PCCA: variants seen among roughly 807,000 people sequenced by gnomAD.
PCCA encodes propionyl-CoA carboxylase alpha chain, mitochondrial.
In PCCA, 74 loss-of-function variants were observed where a neutral mutation model predicts 101.3. The observed-to-expected ratio is 0.73, with a 90% CI of 0.61 to 0.89. PCCA has a LOEUF of 0.89. PCCA is among the 40% of genes least tolerant of loss of function. The pLI is 0.00. For synonymous variants in PCCA, 294 were observed against 313.6 expected (o/e 0.94, Z 0.66); for missense variants, 891 against 907.0 (o/e 0.98, Z 0.23).
chr13:100,143,055 A>C (rs1448216027), intron 4 of PCCA, among the ~76,000 whole-genome samples: 1 of 152,164 alleles, frequency 6.6e-6, no homozygotes, highest in Admixed American at 6.5e-5. Context: ...GTTGAGATAC[A>C]GGTACCCTTC....
chr13:100,400,630 CTT>C (rs1281449669), intron 19 of PCCA, among the ~76,000 whole-genome samples: 8 of 90,962 alleles, frequency 8.8e-5, no homozygotes, highest in South Asian at 4.1e-4. Context: ...CTTTTTAGTT[CTT>C]TTTTTTTTTT....
chr13:100,100,190 C>T (rs1286706983), intron 1 of PCCA, among the ~76,000 whole-genome samples: 2 of 152,202 alleles, frequency 1.3e-5, no homozygotes, highest in African/African-American at 4.8e-5. Context: ...AGCTCAATGA[C>T]TCACAGCTGA....
intron 8 of PCCA, among the ~76,000 whole-genome samples, chr13:100,238,306 A>G (rs919921150): frequency 3.3e-5 from 5 of 152,128 alleles, no homozygotes; most frequent in Non-Finnish European, 5.9e-5. Context: ...GCCTCTGTCT[A>G]ACTAGTTCTC....
chr13:100,317,760 G>T (rs1443388148), intron 16 of PCCA, among the ~76,000 whole-genome samples: 1 of 152,182 alleles, frequency 6.6e-6, no homozygotes, highest in South Asian at 2.1e-4. Flanking sequence ...CTAATTTTTT[G>T]TATTTATTGT....
chr13:100,353,664 A>C (rs554123608), intron 18 of PCCA, among the ~76,000 whole-genome samples: 1 of 152,226 alleles, frequency 6.6e-6, no homozygotes, highest in African/African-American at 2.4e-5. Flanking sequence ...GTATTAAAAA[A>C]AGAAGAGGCC....
At chr13:100,361,184 T>C (rs1385006611) in intron 18 of PCCA, among the ~76,000 whole-genome samples, 1 of 152,128 alleles carries the variant, frequency 6.6e-6, no homozygotes, top group East Asian at 1.9e-4. Context: ...TTGTAGGCAG[T>C]GAAGCTACTC....
At chr13:100,523,460 G>A (rs762613707) in intron 22 of PCCA, among the ~76,000 whole-genome samples, 18 of 152,230 alleles carry the variant, frequency 1.2e-4, no homozygotes, top group Non-Finnish European at 2.1e-4. Flanking sequence ...CTGGCTTTAC[G>A]GGATTTGATT....
chr13:100,114,659 CACAA>C (rs1275004031), intron 4 of PCCA, among the ~76,000 whole-genome samples: 1 of 152,086 alleles, frequency 6.6e-6, no homozygotes, highest in Non-Finnish European at 1.5e-5. Flanking sequence ...ACATACAAAT[CACAA>C]ACAGGTATAT....
At chr13:100,133,375 CTG>C (rs1381451417) in intron 4 of PCCA, among the ~76,000 whole-genome samples, 25 of 152,186 alleles carry the variant, frequency 1.6e-4, no homozygotes, top group African/African-American at 5.8e-4. Flanking sequence ...ACAGTGTCTA[CTG>C]CAGATCACTT....
chr13:100,319,896 T>C (rs1170275365), intron 16 of PCCA, among the ~76,000 whole-genome samples: 1 of 152,222 alleles, frequency 6.6e-6, no homozygotes, highest in African/African-American at 2.4e-5. Flanking sequence ...GGGGATGGCA[T>C]TGAATCTATA....
At chr13:100,381,296 G>A (rs1320286301) in intron 19 of PCCA, among the ~76,000 whole-genome samples, 1 of 152,096 alleles carries the variant, frequency 6.6e-6, no homozygotes, top group East Asian at 1.9e-4. Context: ...GGCTGAGGCA[G>A]GAGAATGGCA....
intron 16 of PCCA, among the ~76,000 whole-genome samples, chr13:100,328,039 C>T (rs964393522): frequency 6.6e-6 from 1 of 152,020 alleles, no homozygotes; most frequent in African/African-American, 2.4e-5. Context: ...GCCTGGGCAA[C>T]AGCAAAAACG....
intron 19 of PCCA, among the ~76,000 whole-genome samples, chr13:100,396,074 C>T (rs1406683792): frequency 7.2e-5 from 11 of 152,138 alleles, no homozygotes; most frequent in Admixed American, 3.9e-4. Context: ...AATAATTTAA[C>T]GTTATGCTGA....
At chr13:100,099,656 C>A (rs1185113925) in intron 1 of PCCA, among the ~76,000 whole-genome samples, 1 of 151,920 alleles carries the variant, frequency 6.6e-6, no homozygotes, top group Non-Finnish European at 1.5e-5. Context: ...TTTCCAGCCA[C>A]TGCAAACAGG....
chr13:100,333,617 T>G (rs1442609425), intron 17 of PCCA, among the ~76,000 whole-genome samples: 1 of 152,206 alleles, frequency 6.6e-6, no homozygotes, highest in Non-Finnish European at 1.5e-5. Flanking sequence ...GAAAAATAAA[T>G]GGAACATGAG....
chr13:100,280,056 A>G lies in PCCA; in HGVS notation c.1065+6710A>G, dbSNP rs562834100. The stretch of plus-strand genomic sequence containing the variant: ...ACAGAAATGCATCTTCACTTTCTAC[A>G]TTTTCTTAAGAGTGAAATTTGAAAT... On this transcript the variant is annotated intron_variant, in intron 12 of 23. Transcript: ENST00000376285. Among the ~76,000 whole-genome samples the G allele has an allele frequency of 3.3e-4, 48 of 143,492 alleles. 1 individual carries two copies. The South Asian group carries it at 0.01, about 31-fold the overall frequency. The allele number at this position is 143,492 out of a possible 152,430, so 94.1% of individuals were successfully genotyped here.
chr13:100,372,560 A>G (rs1451351703), intron 19 of PCCA, among the ~76,000 whole-genome samples: 1 of 152,150 alleles, frequency 6.6e-6, no homozygotes, highest in Non-Finnish European at 1.5e-5. Context: ...AAAATTTTCC[A>G]TTCTAAACAC....
intron 22 of PCCA, among the ~76,000 whole-genome samples, chr13:100,523,297 T>G (rs930660845): frequency 6.6e-6 from 1 of 152,220 alleles, no homozygotes; most frequent in African/African-American, 2.4e-5. Context: ...GATAAAAGTC[T>G]CTGGGGAAAG....
chr13:100,216,444 C>G (rs1191724642), intron 7 of PCCA, among the ~76,000 whole-genome samples: 6 of 152,212 alleles, frequency 3.9e-5, no homozygotes, highest in Non-Finnish European at 8.8e-5. Context: ...ATGTCTCCTT[C>G]CTACACGGAG....
Sources: allele counts gnomAD v4.1 joint callset (sites outside exome capture counted in the v4.1 genomes callset), GRCh38; gene constraint gnomAD v4.1.1; transcripts MANE v1.5; gene names NCBI Gene and HGNC (gene_info 2026-07-23, HGNC 2026-07-21).